Variants in WDR26 observed in about 807,000 individuals in gnomAD.
WDR26 encodes WD repeat domain 26.
WDR26 carries 5 observed loss-of-function variants against 84.1 expected under a neutral mutation model. The observed-to-expected ratio is 0.06, with a 90% CI of 0.03 to 0.13. The LOEUF (loss-of-function observed/expected upper bound fraction) is 0.13. Ranked by LOEUF, WDR26 falls within the 10% of genes least tolerant of loss-of-function variation. WDR26 has a pLI of 1.00. For missense variants in WDR26, 642 were observed against 974.9 expected (o/e 0.66, Z 4.55); for synonymous variants, 415 against 389.6 (o/e 1.07, Z -0.77).
chr1:224,427,301 GTTT>G (rs1674258735), intron 3 of WDR26, among the ~76,000 whole-genome samples: 1 of 151,860 alleles, frequency 6.6e-6, no homozygotes. Flanking sequence ...TTCAGGGCAA[GTTT>G]TTTATTTACT....
chr1:224,398,367 T>C lies in WDR26; in HGVS notation c.1945-141A>G. 2.3e-6 allele frequency: 3 copies of C among 1,287,104 alleles called. 1 individual carries two copies. Among genetic ancestry groups the C allele is most frequent in the South Asian group, 3.0e-5 (2 of 65,696 alleles). The allele number at this position is 1,287,104 out of a possible 1,614,324, so 79.7% of individuals were successfully genotyped here. On this transcript the variant is annotated intron_variant, in intron 11 of 13. Transcript: ENST00000414423. ...TACCAACATTCTGACAAATTTATGG[T>C]TGATTATACACATTTAAGGATCAAT... is the stretch of plus-strand genomic sequence containing the variant.
intron 5 of WDR26, 24 bp from the exon 6 acceptor site, chr1:224,418,440 A>G (rs2102912973): frequency 6.4e-7 from 1 of 1,567,722 alleles, no homozygotes; most frequent in East Asian, 2.4e-5. Flanking sequence ...TATTTTAAAA[A>G]AGAGAAATAA....
At chr1:224,414,869 G>GT (rs1673848684) in intron 6 of WDR26, among the ~76,000 whole-genome samples, 2 of 151,858 alleles carry the variant, frequency 1.3e-5, no homozygotes, top group South Asian at 2.1e-4. Context: ...AAGCAAAAAA[G>GT]TTTTTTTTGA....
At chr1:224,419,898 A>G (rs2102914470) in intron 4 of WDR26, among the ~76,000 whole-genome samples, 1 of 152,272 alleles carries the variant, frequency 6.6e-6, no homozygotes, top group African/African-American at 2.4e-5. Flanking sequence ...CACTCAACAC[A>G]TATTACTTCC....
chr1:224,398,296 A>G (rs753463665), intron 11 of WDR26, 70 bp from the exon 12 acceptor site: 1 of 1,552,114 alleles, frequency 6.4e-7, no homozygotes, highest in Non-Finnish European at 8.7e-7. Context: ...GTATCTGTAA[A>G]TATCCCTTTG....
chr1:224,422,545 A>C (rs1212671628), intron 4 of WDR26, among the ~76,000 whole-genome samples: 1 of 152,086 alleles, frequency 6.6e-6, no homozygotes, highest in Non-Finnish European at 1.5e-5. Context: ...GTGAGACCCC[A>C]TCTCTACTAA....
At chr1:224,422,293 G>A (rs1674086198) in intron 4 of WDR26, among the ~76,000 whole-genome samples, 1 of 152,202 alleles carries the variant, frequency 6.6e-6, no homozygotes, top group African/African-American at 2.4e-5. Context: ...AAAGGATCAG[G>A]GATTTTGTGG....
intron 4 of WDR26, among the ~76,000 whole-genome samples, chr1:224,423,942 A>T (rs1674137615): frequency 6.6e-6 from 1 of 152,202 alleles, no homozygotes; most frequent in African/African-American, 2.4e-5. Context: ...CATTTTAAGG[A>T]TTAATGTGGC....
chr1:224,421,250 G>A (rs1173776326), intron 4 of WDR26, among the ~76,000 whole-genome samples: 5 of 151,932 alleles, frequency 3.3e-5, no homozygotes, highest in Non-Finnish European at 2.9e-5. Flanking sequence ...CACAAGAGCA[G>A]GAAAAAAATC....
chr1:224,391,530 T>C (rs886168369), intron 13 of WDR26, among the ~76,000 whole-genome samples: 2 of 152,156 alleles, frequency 1.3e-5, no homozygotes, highest in African/African-American at 4.8e-5. Context: ...CATTTTTCCT[T>C]TTTTGTTTCC....
intron 4 of WDR26, 69 bp downstream of exon 4, chr1:224,424,449 T>C: frequency 6.4e-7 from 1 of 1,567,348 alleles, no homozygotes; most frequent in African/African-American, 1.4e-5. Context: ...TTTTATATTT[T>C]GGAAAAATGT....
chr1:224,422,714 C>CA (rs57059923), intron 4 of WDR26, among the ~76,000 whole-genome samples: 138,099 of 146,270 alleles, frequency 0.94, 65,284 homozygotes, highest in South Asian at 0.99. Flanking sequence ...AACTCTGTCT[C>CA]AAAAAAAAAA....
intron 13 of WDR26, 52 bp downstream of exon 13, chr1:224,393,776 C>T: frequency 3.6e-6 from 5 of 1,391,638 alleles, no homozygotes; most frequent in Middle Eastern, 2.2e-4. Context: ...CATAATAAGC[C>T]GAGTGATGTT....
intron 3 of WDR26, 142 bp downstream of exon 3, chr1:224,431,335 A>G: frequency 1.5e-6 from 1 of 675,282 alleles, no homozygotes; most frequent in South Asian, 1.9e-5. Context: ...ACTTTAAAAC[A>G]TTATACTCAT....
rs1673016335 is a variant in WDR26, at chr1:224,387,511, A to G, written c.*2324T>C. 1 of 152,608 alleles carries G rather than the reference A, an allele frequency of 6.6e-6. No individual in the cohort carries two copies. The highest frequency in any genetic ancestry group is 2.1e-4 in the South Asian group (1 of 4,832). The allele number at this position is 152,608 out of a possible 1,614,324, so 9.5% of individuals were successfully genotyped here. Reference sequence around the variant, plus strand: ...TTAATAGGAGTTATGTTCTTGTAAAATGTGCCTCACTTTTACTCCACTTTT... The same window carrying G: ...TTAATAGGAGTTATGTTCTTGTAAAGTGTGCCTCACTTTTACTCCACTTTT... On this transcript the variant is annotated 3_prime_UTR_variant, in exon 14 of 14. Coordinates refer to ENST00000414423, the MANE Select transcript of WDR26 (RefSeq NM_001379403.1).
Position 224,423,503 on chromosome 1 carries a change from T to C in WDR26, c.1064+1015A>G, listed in dbSNP as rs192899790. Among the ~76,000 whole-genome samples, 69 of 152,308 alleles carry C rather than the reference T, an allele frequency of 4.5e-4. 2 individuals carry two copies. In the East Asian group the frequency reaches 8.9e-3, roughly 20 times the overall value. On this transcript the variant is annotated intron_variant, in intron 4 of 13. Transcript: ENST00000414423. ...GCTCATGCCTATTAACCCAGCACCT[T>C]GGGAGGCCGAAGCAGGTGGATTGCT...
At chr1:224,403,871 A>T (rs1351825822) in intron 8 of WDR26, among the ~76,000 whole-genome samples, 1 of 152,074 alleles carries the variant, frequency 6.6e-6, no homozygotes, top group Admixed American at 6.5e-5. Context: ...CAGGAGGTGG[A>T]GGCTGCAGTG....
intron 6 of WDR26, among the ~76,000 whole-genome samples, chr1:224,415,445 A>C (rs1233520448): frequency 7.9e-6 from 1 of 126,782 alleles, no homozygotes; most frequent in South Asian, 2.3e-4. Flanking sequence ...TGGAACACGT[A>C]TTTCTTTCTT....
intron 3 of WDR26, chr1:224,429,900 A>G (rs1484058804): frequency 6.6e-6 from 1 of 152,236 alleles, no homozygotes; most frequent in Non-Finnish European, 1.5e-5. Flanking sequence ...TAAGCCTATT[A>G]AATTTTTTAC....
Sources: gnomAD v4.1 joint callset for allele counts (sites outside exome capture counted in the v4.1 genomes callset) on GRCh38, gnomAD v4.1.1 for gene constraint, MANE v1.5 for transcripts, NCBI Gene and HGNC (gene_info 2026-07-23, HGNC 2026-07-21) for gene names.